Variants in CS observed in about 807,000 individuals in gnomAD.
CS encodes the protein citrate synthase.
A neutral mutation model predicts 61.4 loss-of-function variants in CS; 13 were observed. The observed-to-expected ratio is 0.21, with a 90% CI of 0.14 to 0.34. The LOEUF (loss-of-function observed/expected upper bound fraction) is 0.34. Among genes scored for constraint, CS ranks in the 10% least tolerant of loss-of-function variants. The pLI is 1.00. For synonymous variants in CS, 159 were observed against 215.2 expected (o/e 0.74, Z 2.29); for missense variants, 278 against 573.4 (o/e 0.48, Z 5.26).
intron 5 of CS, 103 bp from the exon 6 acceptor site, chr12:56,282,711 A>G: frequency 6.6e-7 from 1 of 1,522,616 alleles, no homozygotes; most frequent in Non-Finnish European, 8.9e-7. Context: ...AGAGAGGTCA[A>G]CCCAATCCAT....
rs2135916070 is a variant in CS at position 56,282,851 on chromosome 12, C to G, written c.399+9G>C. ...AATGAGAAGAGCTAATAATATCCTT[C>G]TGCTTTACCTGTTCCTCTGTTGGGA... On this transcript the variant is annotated intron_variant, in intron 5 of 10. Transcript: ENST00000351328. 6.2e-7 allele frequency: 1 copy of G among 1,614,028 alleles called. No individual in the cohort carries two copies. The highest frequency in any genetic ancestry group is 1.1e-5 in the South Asian group (1 of 91,070).
chr12:56,300,314 A>T lies in CS; in HGVS notation c.-113T>A. 1 of 1,184,806 alleles carries T rather than the reference A, an allele frequency of 8.4e-7. No homozygotes were observed. The highest frequency in any genetic ancestry group is 1.2e-6 in the Non-Finnish European group (1 of 843,904). The allele number at this position is 1,184,806 out of a possible 1,614,324, so 73.4% of individuals were successfully genotyped here. ...CGCGCCGACGGGTTGACAAGGTTGA[A>T]AGGAGGCGGCTGAAGGAAAGAGTAG... is the stretch of plus-strand genomic sequence containing the variant. On this transcript the variant is annotated 5_prime_UTR_variant, in exon 1 of 11. Transcript: ENST00000351328.
At chr12:56,289,052 T>A (rs1451359516) in intron 1 of CS, among the ~76,000 whole-genome samples, 1 of 152,102 alleles carries the variant, frequency 6.6e-6, no homozygotes, top group Non-Finnish European at 1.5e-5. Context: ...GAGGAACACC[T>A]CAACTTGTTA....
intron 6 of CS, among the ~76,000 whole-genome samples, chr12:56,277,047 A>G (rs943458080): frequency 6.6e-6 from 1 of 151,882 alleles, no homozygotes; most frequent in Non-Finnish European, 1.5e-5. Flanking sequence ...TAAAAACACA[A>G]AAAATCAGCC....
intron 1 of CS, chr12:56,299,823 T>C (rs1295769245): frequency 1.3e-5 from 4 of 297,060 alleles, no homozygotes; most frequent in South Asian, 3.1e-5. Context: ...ATCTCTAGTC[T>C]CTACCAGAGG....
At position 56,296,827 on chromosome 12, in the gene CS, T is replaced by G. The variant is rs552039294; in HGVS notation, c.42+3333A>C. Among the ~76,000 whole-genome samples the G allele has an allele frequency of 3.9e-5, 6 of 152,284 alleles. No individual in the cohort carries two copies. In the South Asian group the frequency reaches 1.0e-3, roughly 26 times the overall value. On this transcript the variant is annotated intron_variant, in intron 1 of 10. Coordinates refer to ENST00000351328, the MANE Select transcript of CS (RefSeq NM_004077.3). ...CACCCCATAAGGCTTCCCCTGCCAT[T>G]CTAGTATCAAGGAATCACCGTTACT...
At chr12:56,275,252 G>A (rs1389188980) in intron 7 of CS, 121 bp from the exon 8 acceptor site, 4 of 1,170,532 alleles carry the variant, frequency 3.4e-6, no homozygotes, top group Non-Finnish European at 4.9e-6. Flanking sequence ...CCTATAGCCA[G>A]TCAGTTATAC....
chr12:56,287,286 C>T (rs1592411068), intron 1 of CS, among the ~76,000 whole-genome samples: 1 of 152,000 alleles, frequency 6.6e-6, no homozygotes, highest in South Asian at 2.1e-4. Context: ...TCAAGACCAG[C>T]CTGGCCAACA....
chr12:56,296,220 G>T (rs1685336539), intron 1 of CS, among the ~76,000 whole-genome samples: 1 of 152,088 alleles, frequency 6.6e-6, no homozygotes, highest in African/African-American at 2.4e-5. Flanking sequence ...CAGCACTTTG[G>T]GAAGCTGAGA....
chr12:56,283,079 T>TA (rs1872823352), intron 4 of CS, 88 bp from the exon 5 acceptor site: 3 of 1,430,332 alleles, frequency 2.1e-6, no homozygotes, highest in Non-Finnish European at 2.9e-6. Flanking sequence ...TACAACAAGT[T>TA]AGAGTAGAAC....
At chr12:56,299,031 T>C (rs1873394805) in intron 1 of CS, among the ~76,000 whole-genome samples, 1 of 149,200 alleles carries the variant, frequency 6.7e-6, no homozygotes, top group Non-Finnish European at 1.5e-5. Context: ...GACAGAGCAA[T>C]ATCCTGTCTC....
At chr12:56,297,991 C>A (rs1038506099) in intron 1 of CS, among the ~76,000 whole-genome samples, 1 of 138,292 alleles carries the variant, frequency 7.2e-6, no homozygotes, top group Non-Finnish European at 1.7e-5. Context: ...GCTTTGCTAC[C>A]CCCCCCGCCC....
intron 6 of CS, among the ~76,000 whole-genome samples, chr12:56,282,103 C>T (rs553573488): frequency 3.3e-5 from 5 of 152,310 alleles, no homozygotes; most frequent in East Asian, 1.9e-4. Context: ...GTGATCTGCC[C>T]GCCTTGGCCT....
At chr12:56,299,846 C>T in intron 1 of CS, 3 of 331,004 alleles carry the variant, frequency 9.1e-6, no homozygotes, top group Non-Finnish European at 1.7e-5. Flanking sequence ...CCTGTCTCGG[C>T]TCCTTGCTAT....
At chr12:56,277,001 A>G (rs1592406115) in intron 6 of CS, among the ~76,000 whole-genome samples, 1 of 151,732 alleles carries the variant, frequency 6.6e-6, no homozygotes, top group Non-Finnish European at 1.5e-5. Context: ...GGAGTTCAAG[A>G]CCAGCCTGGC....
At chr12:56,291,082 TA>T in intron 1 of CS, 1 of 353,106 alleles carries the variant, frequency 2.8e-6, no homozygotes, top group Non-Finnish European at 5.0e-6. Context: ...TCTAAAATGG[TA>T]ATAATAAAAG....
chr12:56,273,406 A>G (rs923348265), intron 10 of CS, 152 bp from the exon 11 acceptor site: 107 of 975,222 alleles, frequency 1.1e-4, no homozygotes, highest in South Asian at 6.7e-5. Flanking sequence ...TGAGAAAAGT[A>G]TAGCAATTGG....
chr12:56,293,848 G>C (rs1873210526), intron 1 of CS, among the ~76,000 whole-genome samples: 1 of 152,246 alleles, frequency 6.6e-6, no homozygotes, highest in African/African-American at 2.4e-5. Flanking sequence ...TGGCTTAGCT[G>C]ATGGAGCAAA....
intron 6 of CS, among the ~76,000 whole-genome samples, chr12:56,279,402 G>C (rs189245984): frequency 1.3e-5 from 2 of 151,922 alleles, no homozygotes; most frequent in Non-Finnish European, 2.9e-5. Flanking sequence ...ACTTTGTGAG[G>C]CCGAGGCAGG....
Sources: gnomAD v4.1 joint callset for allele counts (sites outside exome capture counted in the v4.1 genomes callset) on GRCh38, gnomAD v4.1.1 for gene constraint, MANE v1.5 for transcripts, NCBI Gene and HGNC (gene_info 2026-07-23, HGNC 2026-07-21) for gene names.